DHX15: variants seen among roughly 807,000 people sequenced by gnomAD.
The protein encoded by DHX15 is DEAH-box helicase 15.
Under a neutral mutation model 94.4 loss-of-function variants are expected in DHX15, and 11 were observed. That is an observed-to-expected ratio of 0.12 (90% CI 0.07 to 0.19). The LOEUF (loss-of-function observed/expected upper bound fraction) is 0.19, where lower values mean the gene tolerates loss of function less well. DHX15 is among the 10% of genes least tolerant of loss of function. DHX15 has a pLI of 1.00. For synonymous variants in DHX15, 338 were observed against 329.9 expected (o/e 1.02, Z -0.27); for missense variants, 304 against 988.5 (o/e 0.31, Z 9.29).
At position 24,576,504 on chromosome 4, in the gene DHX15, T is replaced by C. The variant is rs564860157; in HGVS notation, c.246A>G (p.Ser82=). Reference sequence around the variant, plus strand: ...AATGTGCTGAGTGGGTTGAGTGAGCTGAATGGGAAGCTTTCAAAGGTGGTA... The same window carrying C: ...AATGTGCTGAGTGGGTTGAGTGAGCCGAATGGGAAGCTTTCAAAGGTGGTA... ...AGLPPLKASH[S]AHSTHSAHST... Residue 82 remains serine, a synonymous_variant, in exon 2 of 14, where the codon TCA becomes TCG. Coordinates refer to ENST00000336812, the MANE Select transcript of DHX15 (RefSeq NM_001358.3). The C allele has an allele frequency of 1.2e-6, 2 of 1,614,170 alleles. No homozygotes were observed. Among genetic ancestry groups the C allele is most frequent in the African/African-American group, 1.3e-5 (1 of 75,038 alleles).
At chr4:24,576,734 A>T in intron 1 of DHX15, 56 bp from the exon 2 acceptor site, 1 of 1,581,006 alleles carries the variant, frequency 6.3e-7, no homozygotes, top group South Asian at 1.2e-5. Context: ...TGTTCACGGT[A>T]GCGTTATAAT....
chr4:24,550,007 C>G (rs553757593), intron 5 of DHX15, among the ~76,000 whole-genome samples: 4 of 143,842 alleles, frequency 2.8e-5, no homozygotes, highest in Non-Finnish European at 6.0e-5. Context: ...GCGGGAGAAT[C>G]GCTTGAACCC....
At chr4:24,575,178 AAAG>A (rs949903673) in intron 2 of DHX15, among the ~76,000 whole-genome samples, 15 of 152,090 alleles carry the variant, frequency 9.9e-5, no homozygotes, top group African/African-American at 3.4e-4. Flanking sequence ...AAAGAAAAGA[AAAG>A]AAGAATGGTA....
chr4:24,562,774 C>CAT (rs1721911103), intron 3 of DHX15, among the ~76,000 whole-genome samples: 1 of 152,128 alleles, frequency 6.6e-6, no homozygotes, highest in South Asian at 2.1e-4. Flanking sequence ...AGAAAAGAGT[C>CAT]ATATATATGA....
chr4:24,547,941 ATC>A (rs1491155468), intron 6 of DHX15, among the ~76,000 whole-genome samples: 1,168 of 32,592 alleles, frequency 0.036, 32 homozygotes, highest in African/African-American at 0.15. Context: ...ATATATATAT[ATC>A]TATATCTATA....
intron 3 of DHX15, among the ~76,000 whole-genome samples, chr4:24,560,743 T>C (rs1455525196): frequency 6.6e-6 from 1 of 152,116 alleles, no homozygotes; most frequent in African/African-American, 2.4e-5. Context: ...AATAGCACCT[T>C]AAAAACAGCT....
intron 2 of DHX15, among the ~76,000 whole-genome samples, chr4:24,574,814 T>C (rs1722212780): frequency 6.6e-6 from 1 of 152,210 alleles, no homozygotes; most frequent in South Asian, 2.1e-4. Context: ...ATCAATTAAA[T>C]AGTAAGTTCA....
Position 24,569,657 on chromosome 4 carries a change from TCTCTGACAACAAAGA to T in DHX15, c.701+982_701+996del, listed in dbSNP as rs555016205. On this transcript the variant is annotated intron_variant, in intron 3 of 13. Coordinates refer to ENST00000336812, the MANE Select transcript of DHX15 (RefSeq NM_001358.3). ...ATTTATCCCATTAACACTATATATC[TCTCTGACAACAAAGA>T]CTCTGACAACAAAGACTCATATCAC... 4.6e-4 allele frequency among the ~76,000 whole-genome samples: 69 copies of T among 149,354 alleles called. No homozygotes were observed. In the East Asian group the frequency reaches 6.5e-3, roughly 14 times the overall value.
chr4:24,545,392 G>T (rs982151728), intron 6 of DHX15, among the ~76,000 whole-genome samples: 2 of 152,230 alleles, frequency 1.3e-5, no homozygotes, highest in Middle Eastern at 6.8e-3. Flanking sequence ...CTGGGTGAGT[G>T]TATTAAATTC....
intron 5 of DHX15, among the ~76,000 whole-genome samples, chr4:24,553,154 C>G (rs1459140654): frequency 1.3e-5 from 2 of 152,040 alleles, no homozygotes; most frequent in African/African-American, 2.4e-5. Context: ...GAAACCCCAT[C>G]TCTACCAAAA....
chr4:24,537,309 G>T lies in DHX15; in HGVS notation c.1787-136C>A. On this transcript the variant is annotated intron_variant, in intron 10 of 13. Coordinates refer to ENST00000336812, the MANE Select transcript of DHX15 (RefSeq NM_001358.3). This position sits in a 1 kb window ranked among gnomAD's most constrained non-coding sequence, Gnocchi z 4.7. ...CAGGATGGCCTCCAACTGCATCTTG[G>T]ATTGTTTACTACCTTGATTTGGTAC... The T allele has an allele frequency of 8.7e-7, 1 of 1,144,264 alleles. No homozygotes were observed. The allele number at this position is 1,144,264 out of a possible 1,614,324, so 70.9% of individuals were successfully genotyped here.
At chr4:24,577,021 AAAG>A (rs550429381) in intron 1 of DHX15, among the ~76,000 whole-genome samples, 19 of 152,290 alleles carry the variant, frequency 1.2e-4, no homozygotes, top group African/African-American at 3.1e-4. Context: ...AAATTGAGTA[AAAG>A]AAGATGGCAT....
intron 11 of DHX15, 108 bp from the exon 12 acceptor site, chr4:24,533,162 A>G (rs554730034): frequency 1.0e-6 from 1 of 973,944 alleles, no homozygotes; most frequent in East Asian, 2.4e-5. Context: ...TAAACCAGAA[A>G]GGAGATTTAC....
chr4:24,544,940 C>T (rs60173542), intron 6 of DHX15, among the ~76,000 whole-genome samples: 31,990 of 151,686 alleles, frequency 0.21, 3,613 homozygotes, highest in East Asian at 0.4. Context: ...AAAACCCCAC[C>T]TCTACAAAAA....
At position 24,542,032 on chromosome 4, in the gene DHX15, T is replaced by A; in HGVS notation, c.1336-10A>T. On this transcript the variant is annotated splice_polypyrimidine_tract_variant and intron_variant, in intron 7 of 13. Coordinates refer to ENST00000336812, the MANE Select transcript of DHX15 (RefSeq NM_001358.3). ...TTCGAGGATTGTAGACCTATTGGAA[T>A]TGAAATAACACAAGAGTCTTTCTTC... 1 of 1,584,942 alleles carries A rather than the reference T, an allele frequency of 6.3e-7. No individual in the cohort carries two copies. Among genetic ancestry groups the A allele is most frequent in the East Asian group, 2.3e-5 (1 of 44,270 alleles).
At chr4:24,532,402 T>TA (rs1315127031) in intron 12 of DHX15, among the ~76,000 whole-genome samples, 4 of 152,198 alleles carry the variant, frequency 2.6e-5, no homozygotes, top group African/African-American at 4.8e-5. Flanking sequence ...AGTTTTTAGA[T>TA]AAAGACTAAA....
intron 7 of DHX15, 53 bp from the exon 8 acceptor site, chr4:24,542,075 T>C: frequency 6.7e-7 from 1 of 1,486,812 alleles, no homozygotes; most frequent in East Asian, 2.3e-5. Flanking sequence ...CACAAAATTG[T>C]GATGCAACAG....
In DHX15 at chr4:24,528,033, T is replaced by C. The variant is rs972514573; in HGVS notation, c.2279A>G (p.Lys760Arg). Residue 760 changes from lysine to arginine, a missense_variant, in exon 14 of 14, where the codon AAA becomes AGA. Transcript: ENST00000336812. ...CTDIKPEWLV[K>R]IAPQYYDMSN... ...CATGTCATAATATTGAGGGGCAATT[T>C]TCACCAACCTGTTTAGAAGTGGGCA... 2.5e-6 allele frequency: 4 copies of C among 1,613,052 alleles called. No individual in the cohort carries two copies. The highest frequency in any genetic ancestry group is 3.4e-6 in the Non-Finnish European group (4 of 1,179,210).
chr4:24,578,690 CGAGTAACTGG>C (rs1345359842), intron 1 of DHX15, among the ~76,000 whole-genome samples: 1 of 151,994 alleles, frequency 6.6e-6, no homozygotes, highest in African/African-American at 2.4e-5. Flanking sequence ...CTCAGCCTCC[CGAGTAACTGG>C]GACTACAGGC....
Sources: allele counts gnomAD v4.1 joint callset (sites outside exome capture counted in the v4.1 genomes callset), GRCh38; gene constraint gnomAD v4.1.1; non-coding constraint Gnocchi (gnomAD v3.1); transcripts MANE v1.5; gene names NCBI Gene and HGNC (gene_info 2026-07-23, HGNC 2026-07-21).